Variants in CCDC141 observed in about 807,000 individuals in gnomAD.
The protein encoded by CCDC141 is coiled-coil domain-containing protein 141.
A neutral mutation model predicts 181.0 loss-of-function variants in CCDC141; 168 were observed. That is an observed-to-expected ratio of 0.93 (90% confidence interval 0.82 to 1.05). CCDC141 has a LOEUF of 1.05. Ranked by LOEUF, CCDC141 falls within the 50% of genes least tolerant of loss-of-function variation. The pLI is 0.00. For synonymous variants in CCDC141, 666 were observed against 642.3 expected, an observed-to-expected ratio of 1.04 and a Z score of -0.56; for missense variants, 1,902 against 1,788.5, an observed-to-expected ratio of 1.06 and a Z score of -1.14.
chr2:178,887,241 A>T (rs548638345), intron 9 of CCDC141, among the ~76,000 whole-genome samples: 1 of 152,242 alleles, frequency 6.6e-6, no homozygotes, highest in African/African-American at 2.4e-5. Context: ...ATAGGACCCA[A>T]TTTACAGGCA....
intron 4 of CCDC141, 75 bp from the exon 5 acceptor site, chr2:178,961,558 A>G: frequency 8.2e-6 from 9 of 1,098,392 alleles, no homozygotes; most frequent in Non-Finnish European, 1.0e-5. Context: ...GACTCTTCAT[A>G]ATTTAAAATA....
At chr2:179,045,985 T>C (rs895123241) in intron 2 of CCDC141, among the ~76,000 whole-genome samples, 3 of 152,202 alleles carry the variant, frequency 2.0e-5, no homozygotes, top group African/African-American at 7.2e-5. Context: ...ACTTCTTGGT[T>C]TCATTTACTC....
At chr2:178,952,378 A>G (rs1475652033) in intron 5 of CCDC141, among the ~76,000 whole-genome samples, 1 of 152,178 alleles carries the variant, frequency 6.6e-6, no homozygotes, top group Non-Finnish European at 1.5e-5. Flanking sequence ...AATATATAAT[A>G]TTTTTTGTTT....
At chr2:178,931,963 C>T (rs373516996) in intron 6 of CCDC141, among the ~76,000 whole-genome samples, 9 of 152,044 alleles carry the variant, frequency 5.9e-5, no homozygotes, top group East Asian at 3.9e-4. Flanking sequence ...GTGAGGAGTT[C>T]GAGACCAGCC....
chr2:178,843,234 C>T (rs187616769), intron 22 of CCDC141, among the ~76,000 whole-genome samples: 143 of 152,264 alleles, frequency 9.4e-4, no homozygotes, highest in South Asian at 1.9e-3. Context: ...GGGGTGACTG[C>T]CAGTTCTTAC....
chr2:178,874,071 G>C (rs1686246113), intron 12 of CCDC141: 1 of 152,086 alleles, frequency 6.6e-6, no homozygotes, highest in African/African-American at 2.4e-5. Context: ...ATAAAGAACA[G>C]AACACTCAAC....
chr2:178,942,388 A>C (rs1689559371), intron 6 of CCDC141, among the ~76,000 whole-genome samples: 1 of 152,192 alleles, frequency 6.6e-6, no homozygotes, highest in African/African-American at 2.4e-5. Flanking sequence ...CTAAGTGAAA[A>C]ACACCAATCT....
intron 4 of CCDC141, among the ~76,000 whole-genome samples, chr2:178,966,248 G>T (rs1690625302): frequency 6.6e-6 from 1 of 152,238 alleles, no homozygotes; most frequent in African/African-American, 2.4e-5. Context: ...AGACCTTCCA[G>T]CACAGCATTC....
intron 6 of CCDC141, among the ~76,000 whole-genome samples, chr2:178,932,991 A>G (rs1321288986): frequency 6.6e-6 from 1 of 152,168 alleles, no homozygotes; most frequent in African/African-American, 2.4e-5. Context: ...TATTTTCTGA[A>G]GATCTCCAAA....
chr2:179,024,712 T>A (rs1041261043), intron 2 of CCDC141, among the ~76,000 whole-genome samples: 1 of 152,246 alleles, frequency 6.6e-6, no homozygotes, highest in South Asian at 2.1e-4. Context: ...CACTACTCAA[T>A]ACTTCTGTGT....
chr2:178,953,045 A>G (rs1044857148), intron 5 of CCDC141, among the ~76,000 whole-genome samples: 1 of 152,228 alleles, frequency 6.6e-6, no homozygotes, highest in Non-Finnish European at 1.5e-5. Flanking sequence ...ACATTGACCA[A>G]TGTGGTGGGA....
chr2:178,969,555 C>T (rs568404489), intron 4 of CCDC141, among the ~76,000 whole-genome samples: 5 of 152,230 alleles, frequency 3.3e-5, no homozygotes, highest in African/African-American at 1.2e-4. Context: ...GCAGAAAAGG[C>T]CTTCAACAAA....
At position 178,884,989 on chromosome 2, in the gene CCDC141, G is replaced by A. The variant is rs538619741; in HGVS notation, c.1631C>T (p.Ala544Val). 9 of 1,550,196 alleles carry A rather than the reference G, an allele frequency of 5.8e-6. No individual in the cohort carries two copies. In the African/African-American group the frequency reaches 1.2e-4, roughly 21 times the overall value. Reference protein sequence around the residue: ...VSLSSKARWLAEELNLFGQSI... With the variant: ...VSLSSKARWLVEELNLFGQSI... The stretch of plus-strand genomic sequence containing the variant: ...TTGGCCAAATAGGTTTAATTCTTCT[G>A]CTAGCCATCTAGCTTTAGAGGAAAG... Residue 544 changes from alanine (A) to valine (V), a missense_variant, in exon 11 of 24, where the codon GCA (alanine) becomes GTA (valine). Ala to Val is a moderately conservative substitution (Grantham distance 64, BLOSUM62 0). Coordinates refer to ENST00000443758, the MANE Select transcript of CCDC141 (RefSeq NM_173648.4).
chr2:178,867,605 A>G (rs1685909166), intron 16 of CCDC141, among the ~76,000 whole-genome samples: 1 of 152,180 alleles, frequency 6.6e-6, no homozygotes, highest in African/African-American at 2.4e-5. Context: ...CCCATACCCA[A>G]ATTGCTCCCA....
chr2:178,986,505 C>T (rs943079465), intron 2 of CCDC141, among the ~76,000 whole-genome samples: 11 of 152,038 alleles, frequency 7.2e-5, no homozygotes, highest in African/African-American at 2.2e-4. Flanking sequence ...GGTATTCAAT[C>T]AGGAAAAGGG....
At chr2:178,847,213 C>T (rs553698184) in intron 21 of CCDC141, among the ~76,000 whole-genome samples, 1 of 152,300 alleles carries the variant, frequency 6.6e-6, no homozygotes, top group East Asian at 1.9e-4. Context: ...AATGCCAAAA[C>T]TCTTTCTGGA....
intron 2 of CCDC141, among the ~76,000 whole-genome samples, chr2:179,008,829 A>G (rs2042183739): frequency 6.6e-6 from 1 of 152,120 alleles, no homozygotes; most frequent in Admixed American, 6.6e-5. Flanking sequence ...TTAACTTTAG[A>G]TGTTCTCTCT....
chr2:178,946,692 A>G (rs1434859505), intron 5 of CCDC141, among the ~76,000 whole-genome samples: 1 of 152,210 alleles, frequency 6.6e-6, no homozygotes, highest in East Asian at 1.9e-4. Flanking sequence ...AACACATGCC[A>G]GCAGTGATGA....
At chr2:179,044,828 G>A (rs964305233) in intron 2 of CCDC141, among the ~76,000 whole-genome samples, 7 of 152,150 alleles carry the variant, frequency 4.6e-5, no homozygotes, top group Non-Finnish European at 7.4e-5. Flanking sequence ...TTGGGGATTC[G>A]TGACAAGTTT....
Sources: gnomAD v4.1 joint callset for allele counts (sites outside exome capture counted in the v4.1 genomes callset) on GRCh38, gnomAD v4.1.1 for gene constraint, MANE v1.5 for transcripts, NCBI Gene and HGNC (gene_info 2026-07-23, HGNC 2026-07-21) for gene names.